EXOC4: variants seen among roughly 807,000 people sequenced by gnomAD.
The protein encoded by EXOC4 is exocyst complex component 4, also known as SEC8-like 1.
EXOC4 carries 71 observed loss-of-function variants against 107.2 expected under a neutral mutation model. The ratio of observed to expected loss-of-function variants is 0.66; its 90% CI spans 0.55 to 0.81. The LOEUF (loss-of-function observed/expected upper bound fraction) is 0.81, where lower values mean the gene tolerates loss of function less well. EXOC4 is among the 30% of genes least tolerant of loss of function. The pLI is 0.00. For missense variants in EXOC4, 1,108 were observed against 1,189.6 expected, an observed-to-expected ratio of 0.93 and a Z score of 1.01; for synonymous variants, 456 against 441.2, an observed-to-expected ratio of 1.03 and a Z score of -0.42.
chr7:133,670,952 C>G (rs1585068074), intron 10 of EXOC4, among the ~76,000 whole-genome samples: 2 of 152,036 alleles, frequency 1.3e-5, no homozygotes, highest in Non-Finnish European at 2.9e-5. Context: ...AAGGAGGAGT[C>G]AGATAGGATG....
chr7:133,408,626 G>T lies in EXOC4; in HGVS notation c.1182+33624G>T, dbSNP rs573930936. 1.4e-4 allele frequency among the ~76,000 whole-genome samples: 21 copies of T among 152,108 alleles called. 1 individual carries two copies. The East Asian group carries it at 3.9e-3, about 28-fold the overall frequency. ...CTGCCACTTACTTAGGATTTCTTTT[G>T]TCCTAACCTCTGGGATGATCTAATT... On this transcript the variant is annotated intron_variant, in intron 7 of 17. Coordinates refer to ENST00000253861, the MANE Select transcript of EXOC4 (RefSeq NM_021807.4).
intron 2 of EXOC4, among the ~76,000 whole-genome samples, chr7:133,285,913 C>A (rs1461721671): frequency 6.6e-6 from 1 of 152,036 alleles, no homozygotes; most frequent in Non-Finnish European, 1.5e-5. Flanking sequence ...GCATGTGCCA[C>A]TATACCCGGC....
chr7:133,462,684 A>T (rs1209954698), intron 7 of EXOC4, among the ~76,000 whole-genome samples: 1 of 152,124 alleles, frequency 6.6e-6, no homozygotes, highest in Non-Finnish European at 1.5e-5. Context: ...AAAATTTTTT[A>T]TATTTTTCCC....
intron 7 of EXOC4, among the ~76,000 whole-genome samples, chr7:133,394,452 C>G (rs1796926033): frequency 6.6e-6 from 1 of 152,092 alleles, no homozygotes. Flanking sequence ...ATCATCAGAG[C>G]TTCTATTATG....
In EXOC4 at chr7:133,346,495, T is replaced by C. The variant is rs370123252; in HGVS notation, c.764-9835T>C. Among the ~76,000 whole-genome samples the C allele has an allele frequency of 1.2e-4, 18 of 152,302 alleles. No homozygotes were observed. The East Asian group carries it at 3.3e-3, about 28-fold the overall frequency. On this transcript the variant is annotated intron_variant, in intron 5 of 17. Transcript: ENST00000253861. ...TATATTTTGAGCATATTGGATATGT[T>C]AAGAGTGTGAATTTATAGTGCCATT...
intron 14 of EXOC4, among the ~76,000 whole-genome samples, chr7:133,988,584 C>T (rs1794173658): frequency 6.6e-6 from 1 of 152,006 alleles, no homozygotes; most frequent in Non-Finnish European, 1.5e-5. Context: ...ACCTTCTATT[C>T]TAGAATTGAG....
intron 11 of EXOC4, among the ~76,000 whole-genome samples, chr7:133,840,988 T>G (rs1563022366): frequency 6.6e-6 from 1 of 152,142 alleles, no homozygotes; most frequent in Non-Finnish European, 1.5e-5. Context: ...CGGGCTGCCG[T>G]AACAAAATAC....
At chr7:133,469,799 T>A (rs1046232585) in intron 7 of EXOC4, among the ~76,000 whole-genome samples, 2 of 152,232 alleles carry the variant, frequency 1.3e-5, no homozygotes, top group African/African-American at 4.8e-5. Context: ...TATTTCTCTC[T>A]CTGGCCAGCT....
At chr7:133,613,374 T>TG (rs1450064310) in intron 9 of EXOC4, among the ~76,000 whole-genome samples, 1 of 152,190 alleles carries the variant, frequency 6.6e-6, no homozygotes, top group African/African-American at 2.4e-5. Context: ...GCTCAAGCGT[T>TG]GCGAGTGTTT....
Position 133,540,983 on chromosome 7 carries a change from G to C in EXOC4, c.1417+60845G>C, listed in dbSNP as rs139495072. Among the ~76,000 whole-genome samples, 209 of 151,902 alleles carry C rather than the reference G, an allele frequency of 1.4e-3. 2 individuals carry two copies. The highest frequency in any genetic ancestry group is 4.8e-3 in the African/African-American group (200 of 41,458). On this transcript the variant is annotated intron_variant, in intron 9 of 17. Coordinates refer to ENST00000253861, the MANE Select transcript of EXOC4 (RefSeq NM_021807.4). ...AACAATTTTGTTTTTTTTAATTCTA[G>C]GAAAAGGAAAGGTTTTACATTAAGA...
At chr7:133,420,996 T>G (rs1267988938) in intron 7 of EXOC4, among the ~76,000 whole-genome samples, 1 of 151,790 alleles carries the variant, frequency 6.6e-6, no homozygotes, top group Non-Finnish European at 1.5e-5. Context: ...TCCCTTTTAC[T>G]ATTCCATTTT....
intron 17 of EXOC4, among the ~76,000 whole-genome samples, chr7:134,044,735 C>T (rs1230585214): frequency 2.0e-5 from 3 of 152,348 alleles, no homozygotes; most frequent in Middle Eastern, 3.4e-3. Context: ...TTTCCAGCTC[C>T]CCCGATCCAA....
chr7:133,705,711 C>A (rs964474902), intron 10 of EXOC4, among the ~76,000 whole-genome samples: 2 of 152,122 alleles, frequency 1.3e-5, no homozygotes, highest in Non-Finnish European at 2.9e-5. Context: ...ACTTCATAAT[C>A]GAGATGGCTA....
At chr7:133,509,126 C>G (rs1228541945) in intron 9 of EXOC4, among the ~76,000 whole-genome samples, 1 of 152,032 alleles carries the variant, frequency 6.6e-6, no homozygotes, top group East Asian at 1.9e-4. Flanking sequence ...TTGGGTGCAA[C>G]CATTGAAATA....
At chr7:133,604,912 A>G (rs1233779743) in intron 9 of EXOC4, among the ~76,000 whole-genome samples, 2 of 151,290 alleles carry the variant, frequency 1.3e-5, no homozygotes, top group African/African-American at 2.4e-5. Context: ...TTTCGTGGAG[A>G]TGAGATTTCA....
At chr7:133,293,724 A>G (rs1318928743) in intron 3 of EXOC4, among the ~76,000 whole-genome samples, 1 of 152,206 alleles carries the variant, frequency 6.6e-6, no homozygotes. Flanking sequence ...TTAAATTGTC[A>G]TGACAGGGAA....
At chr7:133,308,462 G>A (rs1322622260) in intron 4 of EXOC4, among the ~76,000 whole-genome samples, 1 of 152,176 alleles carries the variant, frequency 6.6e-6, no homozygotes, top group Non-Finnish European at 1.5e-5. Flanking sequence ...ACCTACAAGC[G>A]AAGGAGAGAG....
In EXOC4 at chr7:133,823,843, TTATATATA is replaced by T. The variant is rs869279764; in HGVS notation, c.1734+6321_1734+6328del. On this transcript the variant is annotated intron_variant, in intron 11 of 17. Transcript: ENST00000253861. ...ATACATACATATATATATATATATA[TTATATATA>T]TATATATATATATATATATATTATA... Among the ~76,000 whole-genome samples, 49 of 18,702 alleles carry T rather than the reference TTATATATA, an allele frequency of 2.6e-3. 1 individual carries two copies. The highest frequency in any genetic ancestry group is 9.9e-3 in the East Asian group (5 of 506). 12.3% of individuals were successfully genotyped at this position (18,702 alleles called of 152,430 possible). A position where few individuals can be genotyped will look rare whatever the true frequency, so the allele number is the denominator to read the frequency against.
intron 11 of EXOC4, among the ~76,000 whole-genome samples, chr7:133,837,521 T>C (rs1363477277): frequency 2.0e-5 from 3 of 152,224 alleles, no homozygotes; most frequent in Non-Finnish European, 4.4e-5. Context: ...CTTTGACAAA[T>C]GATTCCTTTA....
Sources: allele counts gnomAD v4.1 joint callset (sites outside exome capture counted in the v4.1 genomes callset), GRCh38; gene constraint gnomAD v4.1.1; transcripts MANE v1.5; gene names NCBI Gene and HGNC (gene_info 2026-07-23, HGNC 2026-07-21).